EYS: variants seen among roughly 807,000 people sequenced by gnomAD.
EYS encodes the protein protein eyes shut homolog.
Under a neutral mutation model 282.1 loss-of-function variants are expected in EYS, and 250 were observed. The observed-to-expected ratio is 0.89, with a 90% CI of 0.80 to 0.98. The LOEUF (loss-of-function observed/expected upper bound fraction) is 0.98. Ranked by LOEUF, EYS falls within the 50% of genes least tolerant of loss-of-function variation. The probability of loss-of-function intolerance (pLI) is 0.00; values close to 1 mark genes in which losing one functional copy is unlikely to be tolerated. For synonymous variants in EYS, 1,355 were observed against 1,282.9 expected, an observed-to-expected ratio of 1.06 and a Z score of -1.20; for missense variants, 4,016 against 3,709.0, an observed-to-expected ratio of 1.08 and a Z score of -2.15.
At chr6:64,759,993 A>AT (rs1773107817) in intron 22 of EYS, among the ~76,000 whole-genome samples, 1 of 152,220 alleles carries the variant, frequency 6.6e-6, no homozygotes, top group Non-Finnish European at 1.5e-5. Context: ...TGCACTATAC[A>AT]TTTTGTGGGA....
chr6:65,512,263 C>CA (rs1766910427), intron 2 of EYS, among the ~76,000 whole-genome samples: 1 of 151,964 alleles, frequency 6.6e-6, no homozygotes, highest in African/African-American at 2.4e-5. Flanking sequence ...GAGGCCAAGG[C>CA]AGGCGGTTCA....
intron 22 of EYS, among the ~76,000 whole-genome samples, chr6:64,635,821 G>T (rs1478332250): frequency 6.6e-6 from 1 of 152,152 alleles, no homozygotes. Flanking sequence ...TTGGTATCAG[G>T]ATGATGCTGG....
At chr6:64,307,257 T>A (rs1326812654) in intron 29 of EYS, among the ~76,000 whole-genome samples, 175 bp from the exon 30 acceptor site, 1 of 152,092 alleles carries the variant, frequency 6.6e-6, no homozygotes, top group African/African-American at 2.4e-5. Flanking sequence ...ATCCAAAAAG[T>A]AATAGGATTT....
intron 41 of EYS, among the ~76,000 whole-genome samples, chr6:63,738,543 C>T (rs1768987045): frequency 7.5e-6 from 1 of 134,024 alleles, no homozygotes; most frequent in Non-Finnish European, 1.5e-5. Flanking sequence ...ACAATGAGAA[C>T]ACATGGACAC....
At chr6:65,619,263 C>T (rs1289045939) in intron 2 of EYS, among the ~76,000 whole-genome samples, 2 of 151,256 alleles carry the variant, frequency 1.3e-5, no homozygotes, top group Admixed American at 1.3e-4. Context: ...TGAAGAGGTC[C>T]TTCACGTCCC....
At chr6:64,848,611 G>A (rs899893604) in intron 19 of EYS, among the ~76,000 whole-genome samples, 1 of 152,056 alleles carries the variant, frequency 6.6e-6, no homozygotes, top group Non-Finnish European at 1.5e-5. Context: ...AATGGGAGGG[G>A]CAGTATAGCA....
intron 11 of EYS, chr6:65,331,024 A>AT (rs1169908165): frequency 2.6e-5 from 26 of 983,404 alleles, no homozygotes; most frequent in Middle Eastern, 5.2e-4. Flanking sequence ...ACCCATTATT[A>AT]TTTTTTTTCC....
chr6:63,988,038 G>A lies in EYS; in HGVS notation c.6835-3435C>T, dbSNP rs182771681. On this transcript the variant is annotated intron_variant, in intron 34 of 42. Coordinates refer to ENST00000503581, the MANE Select transcript of EYS (RefSeq NM_001142800.2). ...TTTCCTGAGTATTTCTTCTTATTTA[G>A]GTCCCAGAGGGTGATTATCTTTGTG... Among the ~76,000 whole-genome samples, 219 of 151,630 alleles carry A rather than the reference G, an allele frequency of 1.4e-3. 1 individual carries two copies. The highest frequency in any genetic ancestry group is 5.0e-3 in the African/African-American group (209 of 41,458).
At chr6:65,443,595 T>C (rs1768520679) in intron 5 of EYS, among the ~76,000 whole-genome samples, 1 of 151,608 alleles carries the variant, frequency 6.6e-6, no homozygotes, top group African/African-American at 2.4e-5. Flanking sequence ...CATATACATA[T>C]ACATCATATA....
At chr6:65,395,141 G>A (rs1217911136) in intron 7 of EYS, among the ~76,000 whole-genome samples, 7 of 152,292 alleles carry the variant, frequency 4.6e-5, no homozygotes, top group East Asian at 1.9e-4. Flanking sequence ...TTAGCTCACC[G>A]CAACCTCTGC....
intron 18 of EYS, among the ~76,000 whole-genome samples, chr6:64,895,794 A>C (rs990160405): frequency 1.3e-5 from 2 of 152,126 alleles, no homozygotes; most frequent in African/African-American, 4.8e-5. Context: ...AGATAAGAAT[A>C]CTTTACACCC....
At chr6:63,776,982 T>C (rs1007585844) in intron 40 of EYS, among the ~76,000 whole-genome samples, 5 of 152,320 alleles carry the variant, frequency 3.3e-5, no homozygotes, top group African/African-American at 7.2e-5. Context: ...AATCTAAAGG[T>C]TTCATTAAAA....
chr6:64,902,373 T>C (rs1215939892), intron 17 of EYS, 31 bp downstream of exon 17: 2 of 1,422,902 alleles, frequency 1.4e-6, no homozygotes, highest in South Asian at 1.3e-5. Context: ...CACATAAACA[T>C]GTATCTAGAT....
At chr6:65,066,654 CTG>C (rs1419162218) in intron 12 of EYS, among the ~76,000 whole-genome samples, 1 of 152,234 alleles carries the variant, frequency 6.6e-6, no homozygotes, top group East Asian at 1.9e-4. Flanking sequence ...ATTCAAAAGA[CTG>C]AATACAAATT....
At chr6:64,559,043 C>G (rs1765320047) in intron 26 of EYS, among the ~76,000 whole-genome samples, 1 of 152,056 alleles carries the variant, frequency 6.6e-6, no homozygotes, top group African/African-American at 2.4e-5. Flanking sequence ...TTTGATCTTA[C>G]AATTTCCAGT....
intron 18 of EYS, among the ~76,000 whole-genome samples, chr6:64,892,391 A>G (rs1252230151): frequency 3.3e-5 from 5 of 151,996 alleles, no homozygotes; most frequent in South Asian, 2.1e-4. Flanking sequence ...CAATAAAATT[A>G]AATCATACTT....
At chr6:63,813,431 G>C (rs890671748) in intron 36 of EYS, among the ~76,000 whole-genome samples, 1 of 152,106 alleles carries the variant, frequency 6.6e-6, no homozygotes. Context: ...TGGGACAATT[G>C]ATAGTTTTTG....
intron 14 of EYS, among the ~76,000 whole-genome samples, chr6:64,970,453 C>G (rs909818881): frequency 1.3e-5 from 2 of 152,208 alleles, no homozygotes; most frequent in South Asian, 4.1e-4. Flanking sequence ...TCACCTTGGC[C>G]TCCCAAAGTG....
chr6:63,853,012 C>T (rs1197726271), intron 36 of EYS, among the ~76,000 whole-genome samples: 2 of 152,136 alleles, frequency 1.3e-5, no homozygotes, highest in African/African-American at 2.4e-5. Flanking sequence ...TTATGACAAA[C>T]CCATATTCAA....
Sources: gnomAD v4.1 joint callset for allele counts (sites outside exome capture counted in the v4.1 genomes callset) on GRCh38, gnomAD v4.1.1 for gene constraint, MANE v1.5 for transcripts, NCBI Gene and HGNC (gene_info 2026-07-23, HGNC 2026-07-21) for gene names.